Variants in CDK12 observed in about 807,000 individuals in gnomAD.
CDK12 encodes the protein cyclin-dependent kinase 12.
In CDK12, 17 loss-of-function variants were observed where a neutral mutation model predicts 133.8. That is an observed-to-expected ratio of 0.13 (90% CI 0.09 to 0.19). The LOEUF (loss-of-function observed/expected upper bound fraction) is 0.19. CDK12 is among the 10% of genes least tolerant of loss of function. The probability of loss-of-function intolerance (pLI) is 1.00; values close to 1 mark genes in which losing one functional copy is unlikely to be tolerated. For synonymous variants in CDK12, 694 were observed against 683.6 expected (o/e 1.02, Z -0.24); for missense variants, 1,508 against 1,818.7 (o/e 0.83, Z 3.11).
chr17:39,531,137 C>T lies in CDK12; in HGVS notation c.4294C>T (p.His1432Tyr), dbSNP rs2146847109. ...TGAGGGAAGCAGCAATTCTGTGGTACATGCAGAGACCAAATTGCAAAACTA... is the reference window on the plus strand; with the variant it reads ...TGAGGGAAGCAGCAATTCTGTGGTATATGCAGAGACCAAATTGCAAAACTA... Reference protein sequence around the residue: ...KAEGSSNSVVHAETKLQNYGE... With the variant: ...KAEGSSNSVVYAETKLQNYGE... Residue 1432 changes from histidine to tyrosine, a missense_variant, in exon 14 of 14, where the codon CAT becomes TAT. Transcript: ENST00000447079. The T allele has an allele frequency of 6.5e-7, 1 of 1,543,934 alleles. No individual in the cohort carries two copies. The highest frequency in any genetic ancestry group is 1.3e-5 in the South Asian group (1 of 79,018).
At position 39,523,332 on chromosome 17, in the gene CDK12, A is replaced by G. The variant is rs187900281; in HGVS notation, c.3096-1342A>G. On this transcript the variant is annotated intron_variant, in intron 11 of 13. Transcript: ENST00000447079. The stretch of plus-strand genomic sequence containing the variant: ...CTACTAAAAAATACAAAAATTAGCC[A>G]GGCGTAGTGGCGTGTACCTGTAGTC... Among the ~76,000 whole-genome samples, 3 of 152,108 alleles carry G rather than the reference A, an allele frequency of 2.0e-5. No homozygotes were observed. In the East Asian group the frequency reaches 5.9e-4, roughly 30 times the overall value.
At chr17:39,487,727 A>G (rs1254859926) in intron 2 of CDK12, among the ~76,000 whole-genome samples, 1 of 147,240 alleles carries the variant, frequency 6.8e-6, no homozygotes, top group Non-Finnish European at 1.5e-5. Flanking sequence ...AGCAATTCTC[A>G]TGCCTCACAA....
At chr17:39,485,504 C>A (rs557279111) in intron 2 of CDK12, among the ~76,000 whole-genome samples, 1 of 150,250 alleles carries the variant, frequency 6.7e-6, no homozygotes, top group African/African-American at 2.5e-5. Context: ...CTCCACCTCC[C>A]GGGTTCAGGT....
rs373147983 is a variant in CDK12, at chr17:39,551,488, C to CT, written n.356+356dup. The stretch of plus-strand genomic sequence containing the variant: ...CCCCCAATCAAGACTAAATGCTGAG[C>CT]TTTTTTTTTTGAAATCTTACCACAT... On this transcript the variant is annotated intron_variant and non_coding_transcript_variant, in intron 2 of 3. Transcript: ENST00000558240. 3.9e-3 allele frequency among the ~76,000 whole-genome samples: 576 copies of CT among 149,252 alleles called. 3 individuals carry two copies. Among genetic ancestry groups the CT allele is most frequent in the African/African-American group, 0.013 (514 of 40,712 alleles).
At chr17:39,469,858 A>G (rs975145682) in intron 1 of CDK12, among the ~76,000 whole-genome samples, 1 of 151,844 alleles carries the variant, frequency 6.6e-6, no homozygotes, top group Non-Finnish European at 1.5e-5. Flanking sequence ...GCTAGTCTCG[A>G]ACTCCCAATG....
At chr17:39,464,078 A>G (rs976318315) in intron 1 of CDK12, among the ~76,000 whole-genome samples, 8 of 152,192 alleles carry the variant, frequency 5.3e-5, no homozygotes, top group East Asian at 1.9e-4. Flanking sequence ...ATAAATACCT[A>G]CTTTTAAGGG....
At chr17:39,494,770 TTTC>T (rs1220113710) in intron 5 of CDK12, 76 bp downstream of exon 5, 2 of 1,136,088 alleles carry the variant, frequency 1.8e-6, no homozygotes, top group African/African-American at 1.6e-5. Context: ...TCTTTCTTTC[TTTC>T]TTTTTTTTTT....
At chr17:39,524,618 A>G (rs2054382822) in intron 11 of CDK12, 56 bp from the exon 12 acceptor site, 31 of 1,427,764 alleles carry the variant, frequency 2.2e-5, no homozygotes, top group Non-Finnish European at 3.0e-5. Flanking sequence ...TTGCTCCTCC[A>G]TTCATTCACT....
In CDK12 at chr17:39,532,106, CT is replaced by C. The variant is rs2054889810; in HGVS notation, c.*791del. The C allele has an allele frequency of 4.8e-5, 1 of 21,030 alleles. No individual in the cohort carries two copies. The highest frequency in any genetic ancestry group is 8.1e-5 in the African/African-American group (1 of 12,412). The allele number at this position is 21,030 out of a possible 1,614,324, so 1.3% of individuals were successfully genotyped here. A position where few individuals can be genotyped will look rare whatever the true frequency, so the allele number is the denominator to read the frequency against. ...ATGTGTGCTCTCTCTCTCTCTTTCT[CT>C]CTCTCTCTCTCTCTCTCTCTCTCTC... On this transcript the variant is annotated 3_prime_UTR_variant, in exon 14 of 14. Transcript: ENST00000447079.
intron 1 of CDK12, among the ~76,000 whole-genome samples, chr17:39,465,200 C>G (rs563278830): frequency 6.9e-6 from 1 of 144,082 alleles, no homozygotes; most frequent in Non-Finnish European, 1.5e-5. Context: ...GAGCTGAGAT[C>G]GTGCCATTGC....
At chr17:39,468,498 G>C (rs951527795) in intron 1 of CDK12, among the ~76,000 whole-genome samples, 1 of 151,352 alleles carries the variant, frequency 6.6e-6, no homozygotes, top group Non-Finnish European at 1.5e-5. Context: ...TTTTTGAGAC[G>C]GAGTTTCACT....
Position 39,530,970 on chromosome 17 carries a change from T to G in CDK12, c.4127T>G (p.Phe1376Cys). 1 of 1,614,152 alleles carries G rather than the reference T, an allele frequency of 6.2e-7. No individual in the cohort carries two copies. The change falls in exon 14 of 14, where the codon TTC becomes TGC. Residue 1376 changes from phenylalanine to cysteine, a missense_variant. Coordinates refer to ENST00000447079, the MANE Select transcript of CDK12 (RefSeq NM_016507.4). The stretch of plus-strand genomic sequence containing the variant: ...CAGACCCTGGTGAAGAACAGGACCT[T>G]CTCAGGCTCTCTGAGCCACCTTGGG... ...LVQTLVKNRTFSGSLSHLGES... is the reference protein window; with the variant it reads ...LVQTLVKNRTCSGSLSHLGES...
At chr17:39,528,132 C>CT (rs2054603954) in intron 13 of CDK12, among the ~76,000 whole-genome samples, 1 of 151,774 alleles carries the variant, frequency 6.6e-6, no homozygotes, top group Admixed American at 6.6e-5. Flanking sequence ...GTTGGCCAGG[C>CT]TGGTCTTGAA....
downstream of CDK12, among the ~76,000 whole-genome samples, chr17:39,565,838 A>G (rs1419390462): frequency 1.3e-5 from 2 of 152,148 alleles, no homozygotes; most frequent in Non-Finnish European, 2.9e-5. Flanking sequence ...GTGTCCCCCA[A>G]GGTCTGGGTA....
At chr17:39,516,953 G>A (rs987324735) in intron 9 of CDK12, among the ~76,000 whole-genome samples, 11 of 152,016 alleles carry the variant, frequency 7.2e-5, no homozygotes, top group South Asian at 2.1e-4. Context: ...GTGAGCCACC[G>A]TGCCCGGCCA....
intron 1 of CDK12, among the ~76,000 whole-genome samples, chr17:39,464,789 GAAAA>G (rs11302443): frequency 2.7e-5 from 4 of 148,360 alleles, no homozygotes; most frequent in Non-Finnish European, 3.0e-5. Context: ...TTCTCTACAG[GAAAA>G]AAAAAAAAAT....
chr17:39,462,226 A>G lies in CDK12; in HGVS notation c.155A>G (p.Asp52Gly). 1 of 1,614,188 alleles carries G rather than the reference A, an allele frequency of 6.2e-7. No individual in the cohort carries two copies. Residue 52 changes from aspartate (D) to glycine (G), a missense_variant, in exon 1 of 14, where the codon GAC becomes GGC. Asp to Gly is a moderately conservative substitution (Grantham distance 94). Around this residue, in one of 9 missense-constraint regions of CDK12, gnomAD observed 460 missense variants for 490.8 expected, o/e 0.94. Transcript: ENST00000447079. ...CGGCATAAGTCCAAACACTCCAAAG[A>G]CATGGGGTTGGTGACCCCCGAAGCA... is the stretch of plus-strand genomic sequence containing the variant. Reference protein sequence around the residue: ...HKRHKSKHSKDMGLVTPEAAS... With the variant: ...HKRHKSKHSKGMGLVTPEAAS...
intron 10 of CDK12, among the ~76,000 whole-genome samples, chr17:39,519,688 C>G (rs933459303): frequency 6.6e-6 from 1 of 151,548 alleles, no homozygotes; most frequent in Non-Finnish European, 1.5e-5. Flanking sequence ...TTCCTAGGCT[C>G]AAGTGATTTT....
chr17:39,485,544 T>C (rs1052481987), intron 2 of CDK12, among the ~76,000 whole-genome samples: 2 of 151,150 alleles, frequency 1.3e-5, no homozygotes, highest in South Asian at 2.1e-4. Context: ...CCTGAGTAGC[T>C]GGGACTAACA....
Sources: allele counts gnomAD v4.1 joint callset (sites outside exome capture counted in the v4.1 genomes callset), GRCh38; gene constraint gnomAD v4.1.1; regional missense constraint gnomAD v4.1.1; transcripts MANE v1.5; gene names NCBI Gene and HGNC (gene_info 2026-07-23, HGNC 2026-07-21).